Variants in SLC30A8 observed in about 807,000 individuals in gnomAD.
The protein encoded by SLC30A8 is solute carrier family 30 member 8.
Under a neutral mutation model 36.9 loss-of-function variants are expected in SLC30A8, and 27 were observed. The observed-to-expected ratio is 0.73, with a 90% CI of 0.54 to 1.01. The LOEUF (loss-of-function observed/expected upper bound fraction) is 1.01. Among genes scored for constraint, SLC30A8 ranks in the 50% least tolerant of loss-of-function variants. The pLI is 0.00. For missense variants in SLC30A8, 439 were observed against 452.0 expected (o/e 0.97, Z 0.26); for synonymous variants, 164 against 172.4 (o/e 0.95, Z 0.38).
intron 2 of SLC30A8, among the ~76,000 whole-genome samples, chr8:117,100,392 A>C (rs1048027370): frequency 6.6e-6 from 1 of 152,162 alleles, no homozygotes; most frequent in African/African-American, 2.4e-5. Context: ...GAGGTATTCA[A>C]ATCTTAATCT....
In SLC30A8 at chr8:117,032,646, T is replaced by C. The variant is rs567413585; in HGVS notation, c.-265-6573T>C. Among the ~76,000 whole-genome samples the C allele has an allele frequency of 2.6e-5, 4 of 152,286 alleles. No homozygotes were observed. The South Asian group carries it at 8.3e-4, about 32-fold the overall frequency. The stretch of plus-strand genomic sequence containing the variant: ...GGCTGATGCCTGTAATCCTGGCACT[T>C]TGGGAGGCCCAGGTGGGCAGATAAC... On this transcript the variant is annotated intron_variant, in intron 1 of 10. Transcript: ENST00000427715.
chr8:117,085,918 T>A (rs1262325217), intron 2 of SLC30A8, among the ~76,000 whole-genome samples: 1 of 152,110 alleles, frequency 6.6e-6, no homozygotes, highest in East Asian at 1.9e-4. Context: ...TGGGCAAGTA[T>A]GAAGAACAAA....
chr8:117,094,371 A>G (rs2130837736), intron 2 of SLC30A8, among the ~76,000 whole-genome samples: 1 of 152,096 alleles, frequency 6.6e-6, no homozygotes, highest in Non-Finnish European at 1.5e-5. Context: ...CTCAGAGGAG[A>G]CCCGCAGTGG....
intron 2 of SLC30A8, among the ~76,000 whole-genome samples, chr8:117,056,886 C>T (rs1047535209): frequency 1.3e-5 from 2 of 152,132 alleles, no homozygotes; most frequent in Non-Finnish European, 1.5e-5. Flanking sequence ...GACTAGAATT[C>T]TAGTCACAGG....
intron 2 of SLC30A8, among the ~76,000 whole-genome samples, chr8:117,058,453 G>T (rs1817934201): frequency 6.6e-6 from 1 of 152,018 alleles, no homozygotes; most frequent in African/African-American, 2.4e-5. Context: ...AAAAATCATT[G>T]CCAAGGCCAG....
intron 1 of SLC30A8, among the ~76,000 whole-genome samples, chr8:117,036,914 T>G (rs1036995759): frequency 6.6e-5 from 10 of 152,214 alleles, no homozygotes; most frequent in Non-Finnish European, 1.2e-4. Flanking sequence ...GATAAATCTT[T>G]CTGCCTTAGA....
intron 2 of SLC30A8, among the ~76,000 whole-genome samples, chr8:117,050,231 C>A (rs370483750): frequency 1.3e-5 from 2 of 152,070 alleles, no homozygotes; most frequent in East Asian, 3.9e-4. Flanking sequence ...TGTTCATCAT[C>A]CCCTCAAACA....
At chr8:117,141,701 G>A (rs1821662019) in intron 1 of SLC30A8, among the ~76,000 whole-genome samples, 1 of 152,120 alleles carries the variant, frequency 6.6e-6, no homozygotes, top group Non-Finnish European at 1.5e-5. Flanking sequence ...TATGGTGAAA[G>A]CCTGAAAACT....
chr8:117,022,753 A>T (rs1816742947), intron 1 of SLC30A8, among the ~76,000 whole-genome samples: 1 of 152,268 alleles, frequency 6.6e-6, no homozygotes, highest in East Asian at 1.9e-4. Context: ...CTTAAATGTT[A>T]GACCTAAAAC....
intron 2 of SLC30A8, among the ~76,000 whole-genome samples, chr8:117,051,818 AAAAAAAAAT>A (rs988235984): frequency 1.6e-5 from 2 of 123,036 alleles, no homozygotes; most frequent in African/African-American, 5.2e-5. Context: ...GTTTCAAAAT[AAAAAAAAAT>A]AAAAAAAATA....
chr8:116,977,057 T>A (rs1481593504), intron 1 of SLC30A8, among the ~76,000 whole-genome samples: 1 of 151,552 alleles, frequency 6.6e-6, no homozygotes, highest in Non-Finnish European at 1.5e-5. Flanking sequence ...GACCTTGTGA[T>A]CTGCCTGTCT....
intron 1 of SLC30A8, among the ~76,000 whole-genome samples, chr8:116,974,300 G>A (rs554680596): frequency 5.7e-4 from 86 of 152,198 alleles, no homozygotes; most frequent in African/African-American, 1.8e-3. Flanking sequence ...TCTGACAAAG[G>A]GCTAATATCC....
At chr8:117,146,635 G>A (rs1821908532) in intron 1 of SLC30A8, among the ~76,000 whole-genome samples, 1 of 152,098 alleles carries the variant, frequency 6.6e-6, no homozygotes, top group Non-Finnish European at 1.5e-5. Flanking sequence ...TTTTTAGAGT[G>A]AAATAACTGG....
At chr8:117,165,206 A>G (rs1822997571) in intron 6 of SLC30A8, among the ~76,000 whole-genome samples, 1 of 152,216 alleles carries the variant, frequency 6.6e-6, no homozygotes, top group Admixed American at 6.5e-5. Context: ...TCTCAACTCA[A>G]AAATGGGAAT....
intron 2 of SLC30A8, among the ~76,000 whole-genome samples, chr8:117,074,139 G>T (rs547677960): frequency 2.0e-5 from 3 of 152,088 alleles, no homozygotes; most frequent in South Asian, 4.2e-4. Context: ...CTACCTAAAG[G>T]TCTTTAAGAA....
At chr8:117,130,965 T>G (rs1821113364), upstream of SLC30A8, among the ~76,000 whole-genome samples, 1 of 152,042 alleles carries the variant, frequency 6.6e-6, no homozygotes, top group Non-Finnish European at 1.5e-5. Flanking sequence ...CTATGAGACT[T>G]AATAAAATAT....
At chr8:117,072,950 T>G (rs954707851) in intron 2 of SLC30A8, among the ~76,000 whole-genome samples, 63 of 152,222 alleles carry the variant, frequency 4.1e-4, no homozygotes, top group Admixed American at 3.7e-3. Context: ...ATGTAAAATT[T>G]CCATTAAATT....
intron 1 of SLC30A8, among the ~76,000 whole-genome samples, chr8:117,000,867 T>C (rs980556610): frequency 2.0e-5 from 3 of 152,156 alleles, no homozygotes; most frequent in African/African-American, 7.2e-5. Flanking sequence ...GAAATGATAA[T>C]GGGCACATTG....
intron 2 of SLC30A8, among the ~76,000 whole-genome samples, chr8:117,042,627 T>C (rs1270369998): frequency 6.6e-6 from 1 of 151,962 alleles, no homozygotes; most frequent in African/African-American, 2.4e-5. Context: ...TGCTGAGACT[T>C]GGAATAGGCT....
Sources: gnomAD v4.1 joint callset for allele counts (sites outside exome capture counted in the v4.1 genomes callset) on GRCh38, gnomAD v4.1.1 for gene constraint, MANE v1.5 for transcripts, NCBI Gene and HGNC (gene_info 2026-07-23, HGNC 2026-07-21) for gene names.